The following PTPN21 variants were observed in gnomAD, a reference collection of about 807,000 sequenced individuals.
PTPN21 encodes tyrosine-protein phosphatase non-receptor type 21.
A neutral mutation model predicts 131.8 loss-of-function variants in PTPN21; 77 were observed. The observed-to-expected ratio is 0.58, with a 90% confidence interval of 0.49 to 0.71. The LOEUF (loss-of-function observed/expected upper bound fraction) is 0.71, where lower values mean the gene tolerates loss of function less well. Ranked by LOEUF, PTPN21 falls within the 30% of genes least tolerant of loss-of-function variation. The probability of loss-of-function intolerance (pLI) is 0.00; values close to 1 mark genes in which losing one functional copy is unlikely to be tolerated. For missense variants in PTPN21, 1,552 were observed against 1,527.1 expected (o/e 1.02, Z -0.27); for synonymous variants, 715 against 621.3 (o/e 1.15, Z -2.24).
In PTPN21 at chr14:88,480,314, G is replaced by A. The variant is rs199650065; in HGVS notation, c.1117C>T (p.His373Tyr). 15 of 1,614,024 alleles carry A rather than the reference G, an allele frequency of 9.3e-6. No homozygotes were observed. The highest frequency in any genetic ancestry group is 2.2e-5 in the South Asian group (2 of 91,086). ...FVPNQNGYYC[H>Y]SQTSLDRAQI... ...GCTCTATCCAAGCTTGTCTGAGAGT[G>A]ACAGTAGTATCCGTTCTGGTTGGGC... The change falls in exon 13 of 19, where the codon CAC (histidine) becomes TAC (tyrosine). Residue 373 changes from histidine to tyrosine, a missense_variant. His to Tyr is a moderately conservative substitution (Grantham distance 83). Coordinates refer to ENST00000556564, the MANE Select transcript of PTPN21 (RefSeq NM_007039.4).
chr14:88,520,627 T>C (rs939133817), intron 2 of PTPN21, among the ~76,000 whole-genome samples: 31 of 152,174 alleles, frequency 2.0e-4, no homozygotes, highest in Admixed American at 3.3e-4. Context: ...CTGCAACTTA[T>C]AGAAAACAAA....
chr14:88,490,012 C>CT lies in PTPN21; in HGVS notation c.933-4171dup, dbSNP rs757640728. ...CCAGCCCCATGAAATGTGTGGTTTTCTTTTTTTTTTTTTGGAGATGGAGTC... is the reference window on the plus strand; with the variant it reads ...CCAGCCCCATGAAATGTGTGGTTTTCTTTTTTTTTTTTTTGGAGATGGAGTC... On this transcript the variant is annotated intron_variant, in intron 10 of 18. Coordinates refer to ENST00000556564, the MANE Select transcript of PTPN21 (RefSeq NM_007039.4). Among the ~76,000 whole-genome samples, 637 of 142,942 alleles carry CT rather than the reference C, an allele frequency of 4.5e-3. 7 individuals are homozygous for CT. Among genetic ancestry groups the CT allele is most frequent in the East Asian group, 0.027 (133 of 4,924 alleles). The allele number at this position is 142,942 out of a possible 152,430, so 93.8% of individuals were successfully genotyped here. A position where few individuals can be genotyped will look rare whatever the true frequency, so the allele number is the denominator to read the frequency against.
At chr14:88,473,952 T>C in intron 13 of PTPN21, 150 bp from the exon 14 acceptor site, 1 of 605,048 alleles carries the variant, frequency 1.7e-6, no homozygotes, top group Non-Finnish European at 2.8e-6. Flanking sequence ...CACACACCAC[T>C]TGTTTAACAA....
chr14:88,545,761 G>A (rs1469699982), intron 2 of PTPN21, among the ~76,000 whole-genome samples: 1 of 152,058 alleles, frequency 6.6e-6, no homozygotes, highest in Non-Finnish European at 1.5e-5. Flanking sequence ...AGGAGATCGA[G>A]ACCATCCTGG....
At chr14:88,521,838 G>A (rs2078398969) in intron 2 of PTPN21, among the ~76,000 whole-genome samples, 2 of 152,012 alleles carry the variant, frequency 1.3e-5, no homozygotes, top group African/African-American at 4.8e-5. Context: ...AAAATTTCTG[G>A]TTTATTGTAT....
chr14:88,477,446 TAAAAAA>T (rs59381948), intron 13 of PTPN21, among the ~76,000 whole-genome samples: 1,351 of 76,404 alleles, frequency 0.018, 18 homozygotes, highest in South Asian at 0.03. Context: ...AAGACTGTTC[TAAAAAA>T]AAAAAAAAAA....
At position 88,469,794 on chromosome 14, in the gene PTPN21, A is replaced by G; in HGVS notation, c.3001-61T>C. On this transcript the variant is annotated intron_variant, in intron 16 of 18. Coordinates refer to ENST00000556564, the MANE Select transcript of PTPN21 (RefSeq NM_007039.4). The surrounding 1 kb of genome is among the most constrained non-coding windows in gnomAD (Gnocchi z 4.3). Reference sequence around the variant, plus strand: ...CCGGCAATGGATGCCTTTCTCACATAGACGGCACATCTGAAACAGAACCAC... The same window carrying G: ...CCGGCAATGGATGCCTTTCTCACATGGACGGCACATCTGAAACAGAACCAC... 1 of 1,598,074 alleles carries G rather than the reference A, an allele frequency of 6.3e-7. No individual in the cohort carries two copies. The highest frequency in any genetic ancestry group is 1.7e-5 in the Admixed American group (1 of 59,988).
chr14:88,520,688 T>C (rs2078375847), intron 2 of PTPN21, among the ~76,000 whole-genome samples: 1 of 152,210 alleles, frequency 6.6e-6, no homozygotes, highest in Non-Finnish European at 1.5e-5. Flanking sequence ...GTTCTGAGTT[T>C]GATTTCCAAC....
chr14:88,491,610 T>C (rs1290320087), intron 10 of PTPN21, among the ~76,000 whole-genome samples: 1 of 152,226 alleles, frequency 6.6e-6, no homozygotes, highest in African/African-American at 2.4e-5. Flanking sequence ...TAAAGTTCTT[T>C]TCATTTTATT....
intron 2 of PTPN21, among the ~76,000 whole-genome samples, chr14:88,520,570 T>C (rs2078373535): frequency 6.6e-6 from 1 of 152,224 alleles, no homozygotes; most frequent in South Asian, 2.1e-4. Context: ...ATAGAATATG[T>C]ATCATACATT....
At chr14:88,496,632 C>A in intron 9 of PTPN21, 140 bp from the exon 10 acceptor site, 1 of 651,562 alleles carries the variant, frequency 1.5e-6, no homozygotes, top group Non-Finnish European at 2.7e-6. Context: ...TTTCATTTTC[C>A]AACACTGTGC....
At chr14:88,496,809 A>G (rs2077923852) in intron 9 of PTPN21, among the ~76,000 whole-genome samples, 1 of 152,248 alleles carries the variant, frequency 6.6e-6, no homozygotes, top group African/African-American at 2.4e-5. Context: ...TTTTTAAACA[A>G]AAATATGACT....
chr14:88,517,670 A>ATACG (rs1227103128), intron 2 of PTPN21, among the ~76,000 whole-genome samples: 4 of 147,742 alleles, frequency 2.7e-5, no homozygotes, highest in East Asian at 2.0e-4. Flanking sequence ...ACACATACAC[A>ATACG]CACATATGTA....
intron 2 of PTPN21, among the ~76,000 whole-genome samples, chr14:88,543,510 T>C (rs2078734283): frequency 6.6e-6 from 1 of 152,246 alleles, no homozygotes; most frequent in Non-Finnish European, 1.5e-5. Context: ...CTGCTGTCCA[T>C]GTTTATCAAT....
Position 88,536,703 on chromosome 14 carries a change from T to G in PTPN21, c.180+13535A>C, listed in dbSNP as rs2078636680. Among the ~76,000 whole-genome samples the G allele has an allele frequency of 4.6e-5, 7 of 152,214 alleles. No individual in the cohort carries two copies. In the South Asian group the frequency reaches 1.4e-3, roughly 32 times the overall value. ...AGAGCAGAGGGACACAGAAATTAGC[T>G]GAAGGGTTTTTAAAGCCACTGATGC... On this transcript the variant is annotated intron_variant, in intron 2 of 18. Transcript: ENST00000556564.
chr14:88,536,971 T>C (rs962498286), intron 2 of PTPN21, among the ~76,000 whole-genome samples: 1 of 152,200 alleles, frequency 6.6e-6, no homozygotes, highest in Non-Finnish European at 1.5e-5. Context: ...ATCGTACTTC[T>C]TCCTTGTGAC....
At chr14:88,518,406 ATATATATATTTTTTTTTTT>A (rs2078329645) in intron 2 of PTPN21, among the ~76,000 whole-genome samples, 13 of 20,498 alleles carry the variant, frequency 6.3e-4, no homozygotes, top group African/African-American at 1.2e-3. Flanking sequence ...ATATATATAT[ATATATATATTTTTTTTTTT>A]TTTTTTTTTT....
At chr14:88,502,506 TGCCAGCCCTCATATTGCA>T (rs2078025591) in intron 6 of PTPN21, among the ~76,000 whole-genome samples, 1 of 152,208 alleles carries the variant, frequency 6.6e-6, no homozygotes, top group South Asian at 2.1e-4. Flanking sequence ...TGGGTTGTCC[TGCCAGCCCTCATATTGCA>T]GGGCTGGGAA....
chr14:88,487,858 C>T (rs1364463647), intron 10 of PTPN21, among the ~76,000 whole-genome samples: 2 of 151,526 alleles, frequency 1.3e-5, no homozygotes, highest in Non-Finnish European at 2.9e-5. Flanking sequence ...CCCAGCTACT[C>T]AGGACGCTGA....
Sources: gnomAD v4.1 joint callset for allele counts (sites outside exome capture counted in the v4.1 genomes callset) on GRCh38, gnomAD v4.1.1 for gene constraint, Gnocchi (gnomAD v3.1) non-coding constraint, MANE v1.5 for transcripts, NCBI Gene and HGNC (gene_info 2026-07-23, HGNC 2026-07-21) for gene names.